The following PTGR2 variants were observed in gnomAD, a reference collection of about 807,000 sequenced individuals.
The protein encoded by PTGR2 is 15-oxoprostaglandin 13-reductase.
Under a neutral mutation model 43.4 loss-of-function variants are expected in PTGR2, and 32 were observed. The observed-to-expected ratio is 0.74, with a 90% CI of 0.56 to 0.99. The LOEUF is 0.99. Among genes scored for constraint, PTGR2 ranks in the 50% least tolerant of loss-of-function variants. The pLI is 0.00. For missense variants in PTGR2, 373 were observed against 420.0 expected (o/e 0.89, Z 0.98); for synonymous variants, 106 against 139.2 (o/e 0.76, Z 1.68).
Position 73,860,612 on chromosome 14 carries a change from A to G in PTGR2, c.111A>G (p.Gly37=). The G allele has an allele frequency of 6.4e-7, 1 of 1,569,112 alleles. No homozygotes were observed. ...ATTTACCAGATAATATTAATGAAGG[A>G]CAAGTACAAGTTAGAACTCTTTATC... is the stretch of plus-strand genomic sequence containing the variant. ...EVYLPDNINE[G]QVQVRTLYLS... Residue 37 remains glycine (G), a synonymous_variant, in exon 3 of 10, where the codon GGA becomes GGG. Transcript: ENST00000555661.
chr14:73,881,121 A>G (rs1019968594), intron 7 of PTGR2, 84 bp from the exon 8 acceptor site: 1 of 805,096 alleles, frequency 1.2e-6, no homozygotes, highest in Admixed American at 1.9e-5. Context: ...GGATTAACAG[A>G]TATTAGAATT....
rs953891690 is a variant in PTGR2, at chr14:73,875,820, C to CTTT, written c.349-1161_349-1159dup. Among the ~76,000 whole-genome samples, 377 of 94,384 alleles carry CTTT rather than the reference C, an allele frequency of 4.0e-3. 6 individuals are homozygous for CTTT. The highest frequency in any genetic ancestry group is 5.5e-3 in the Non-Finnish European group (274 of 49,666). 61.9% of individuals were successfully genotyped at this position (94,384 alleles called of 152,430 possible). On this transcript the variant is annotated intron_variant, in intron 4 of 9. Transcript: ENST00000555661. Reference sequence around the variant, plus strand: ...TACATGGGAAATTTTTTAAAAGTTTCTTTTTTTTTTTTTTTTTTTGAGATG... The same window carrying CTTT: ...TACATGGGAAATTTTTTAAAAGTTTCTTTTTTTTTTTTTTTTTTTTTTGAGATG...
At chr14:73,854,247 CA>C in intron 1 of PTGR2, among the ~76,000 whole-genome samples, 5 of 152,020 alleles carry the variant, frequency 3.3e-5, no homozygotes, top group African/African-American at 1.2e-4. Flanking sequence ...GGATTACAGG[CA>C]CCCGCCACCA....
At chr14:73,869,422 TGAGGCGGGAGGATCACTTGAGCCCGG>T (rs751072169) in intron 3 of PTGR2, among the ~76,000 whole-genome samples, 21 of 151,704 alleles carry the variant, frequency 1.4e-4, no homozygotes, top group East Asian at 1.9e-4. Flanking sequence ...CTCTGGAGGC[TGAGGCGGGAGGATCACTTGAGCCCGG>T]GAGGTGGGAG....
At position 73,858,550 on chromosome 14, in the gene PTGR2, C is replaced by A. The variant is rs144691442; in HGVS notation, c.-47-266C>A. The A allele has an allele frequency of 7.3e-3, 1,841 of 253,096 alleles. 40 individuals are homozygous for A. Among genetic ancestry groups the A allele is most frequent in the African/African-American group, 0.038 (1,711 of 44,714 alleles). 15.7% of individuals were successfully genotyped at this position (253,096 alleles called of 1,614,324 possible). A position where few individuals can be genotyped will look rare whatever the true frequency, so the allele number is the denominator to read the frequency against. On this transcript the variant is annotated intron_variant, in intron 1 of 9. Coordinates refer to ENST00000555661, the MANE Select transcript of PTGR2 (RefSeq NM_001146154.2). ...ACTGGGCAACAGAGCGAGACTCCGT[C>A]TTTAAAATAAATAAATAAATAAACA...
intron 5 of PTGR2, 50 bp downstream of exon 5, chr14:73,877,218 T>C (rs1287776961): frequency 9.5e-6 from 14 of 1,479,022 alleles, no homozygotes; most frequent in Admixed American, 5.9e-5. Flanking sequence ...ACGATTGTTA[T>C]AATTCTTAAT....
At chr14:73,878,828 C>A in intron 5 of PTGR2, 1 of 414,660 alleles carries the variant, frequency 2.4e-6, no homozygotes, top group East Asian at 4.9e-5. Context: ...AGGATATTTT[C>A]AACTAATGAT....
intron 4 of PTGR2, among the ~76,000 whole-genome samples, chr14:73,875,812 A>T (rs1322668004): frequency 6.9e-6 from 1 of 143,986 alleles, no homozygotes; most frequent in Admixed American, 7.1e-5. Context: ...GAAATTTTTT[A>T]AAAGTTTCTT....
At chr14:73,883,883 C>T (rs932228072) in intron 9 of PTGR2, among the ~76,000 whole-genome samples, 3 of 152,130 alleles carry the variant, frequency 2.0e-5, no homozygotes, top group African/African-American at 7.2e-5. Flanking sequence ...CCAATTAAAT[C>T]TTTCCAGTAT....
Position 73,880,143 on chromosome 14 carries a change from T to C in PTGR2, c.818T>C (p.Ile273Thr). The C allele has an allele frequency of 2.5e-6, 4 of 1,614,024 alleles. No individual in the cohort carries two copies. The highest frequency in any genetic ancestry group is 1.3e-5 in the African/African-American group (1 of 75,044). Residue 273 changes from isoleucine to threonine, a missense_variant, in exon 7 of 10, where the codon ATA (isoleucine) becomes ACA (threonine). By Grantham distance (89) the Ile-to-Thr change is moderately conservative. Coordinates refer to ENST00000555661, the MANE Select transcript of PTGR2 (RefSeq NM_001146154.2). ...VPYPPPLSPA[I>T]EAIQKERNIT... ...TATCCTCCCCCGCTATCCCCTGCTA[T>C]AGAGGCAATCCAGAAAGAAAGAAAC... is the stretch of plus-strand genomic sequence containing the variant.
At chr14:73,853,027 G>T (rs2054266673) in intron 1 of PTGR2, among the ~76,000 whole-genome samples, 1 of 151,920 alleles carries the variant, frequency 6.6e-6, no homozygotes, top group African/African-American at 2.4e-5. Context: ...TCCCATGTTG[G>T]CCAGACTGGT....
intron 7 of PTGR2, among the ~76,000 whole-genome samples, chr14:73,880,739 C>A (rs976907558): frequency 6.6e-6 from 1 of 152,186 alleles, no homozygotes; most frequent in Admixed American, 6.5e-5. Context: ...AAGGATGCTA[C>A]CCACAAAGGA....
chr14:73,872,606 A>G (rs2054762178), intron 3 of PTGR2, among the ~76,000 whole-genome samples: 1 of 152,206 alleles, frequency 6.6e-6, no homozygotes, highest in Non-Finnish European at 1.5e-5. Flanking sequence ...CAATTCAGTG[A>G]ATTTTGGAAT....
chr14:73,858,893 C>G lies in PTGR2; in HGVS notation c.31C>G (p.Arg11Gly). MIVQRVVLNS[R>G]PGKNGNPVAE... ...TGTTCAAAGAGTGGTATTGAATTCTCGACCTGGTATGTATTTGCGATGAAT... is the reference window on the plus strand; with the variant it reads ...TGTTCAAAGAGTGGTATTGAATTCTGGACCTGGTATGTATTTGCGATGAAT... Residue 11 changes from arginine (R) to glycine (G), a missense_variant, in exon 2 of 10, where the codon CGA becomes GGA. Transcript: ENST00000555661. 6.2e-7 allele frequency: 1 copy of G among 1,610,988 alleles called. No individual in the cohort carries two copies. The highest frequency in any genetic ancestry group is 1.1e-5 in the South Asian group (1 of 90,806).
At chr14:73,880,300 T>TAAGCCACTATGCCCG in intron 7 of PTGR2, 124 bp downstream of exon 7, 2 of 1,157,696 alleles carry the variant, frequency 1.7e-6, no homozygotes, top group Non-Finnish European at 2.5e-6. Context: ...AGGTCGGGCA[T>TAAGCCACTATGCCCG]AGTGGCTTAT....
intron 1 of PTGR2, among the ~76,000 whole-genome samples, chr14:73,856,801 T>G (rs2054358493): frequency 1.3e-5 from 2 of 152,248 alleles, no homozygotes; most frequent in South Asian, 2.1e-4. Context: ...TCTCAGCATG[T>G]ATCCCAGTAG....
intron 5 of PTGR2, chr14:73,877,400 G>T: frequency 3.1e-6 from 1 of 319,290 alleles, no homozygotes; most frequent in Non-Finnish European, 5.8e-6. Context: ...GAGTAGCTGG[G>T]ACTACAGGTG....
chr14:73,877,006 A>G lies in PTGR2; in HGVS notation c.357A>G (p.Pro119=), dbSNP rs1420654455. ...LDGNSLEKVD[P]QLVDGHLSYF... is the part of the protein sequence containing the mutation. Reference sequence around the variant, plus strand: ...TATATATTTTATTTTAGGTAGACCCACAACTTGTGGATGGACACCTTTCAT... The same window carrying G: ...TATATATTTTATTTTAGGTAGACCCGCAACTTGTGGATGGACACCTTTCAT... The change falls in exon 5 of 10, where the codon CCA becomes CCG. Residue 119 remains proline, a synonymous_variant. Coordinates refer to ENST00000555661, the MANE Select transcript of PTGR2 (RefSeq NM_001146154.2). 2 of 1,611,904 alleles carry G rather than the reference A, an allele frequency of 1.2e-6. No homozygotes were observed. Among genetic ancestry groups the G allele is most frequent in the Non-Finnish European group, 8.5e-7 (1 of 1,179,352 alleles).
chr14:73,871,207 A>G (rs1037697558), intron 3 of PTGR2, among the ~76,000 whole-genome samples: 1 of 152,104 alleles, frequency 6.6e-6, no homozygotes, highest in Non-Finnish European at 1.5e-5. Flanking sequence ...ACCCAAAAGG[A>G]CCTGATTGAG....
Sources: allele counts gnomAD v4.1 joint callset (sites outside exome capture counted in the v4.1 genomes callset), GRCh38; gene constraint gnomAD v4.1.1; transcripts MANE v1.5; gene names NCBI Gene and HGNC (gene_info 2026-07-23, HGNC 2026-07-21).